Variants in PTPRD observed in about 807,000 individuals in gnomAD.
PTPRD encodes receptor-type tyrosine-protein phosphatase delta.
Under a neutral mutation model 214.5 loss-of-function variants are expected in PTPRD, and 34 were observed. The observed-to-expected ratio is 0.16, with a 90% CI of 0.12 to 0.21. The LOEUF (loss-of-function observed/expected upper bound fraction) is 0.21, where lower values mean the gene tolerates loss of function less well. Among genes scored for constraint, PTPRD ranks in the 10% least tolerant of loss-of-function variants. The pLI, the probability that PTPRD is intolerant of heterozygous loss-of-function variation, is 1.00. For missense variants in PTPRD, 2,545 were observed against 2,398.7 expected (o/e 1.06, Z -1.27); for synonymous variants, 1,128 against 845.7 (o/e 1.33, Z -5.79).
chr9:10,430,644 A>G (rs1002419408), intron 2 of PTPRD, among the ~76,000 whole-genome samples: 1 of 151,962 alleles, frequency 6.6e-6, no homozygotes, highest in African/African-American at 2.4e-5. Flanking sequence ...CTCCGTCAGA[A>G]TAATAATGCA....
rs528516784 is a variant in PTPRD, at chr9:10,253,728, T to C, written c.-545+87235A>G. ...ATAAAGAGAAGTTTACTGCATTAAA[T>C]ACATTGATGAAAAAAATGATTTTTT... On this transcript the variant is annotated intron_variant, in intron 3 of 45. Coordinates refer to ENST00000381196, the MANE Select transcript of PTPRD (RefSeq NM_002839.4). Among the ~76,000 whole-genome samples the C allele has an allele frequency of 1.4e-3, 216 of 152,288 alleles. 2 individuals carry two copies. The South Asian group carries it at 0.014, about 10-fold the overall frequency.
intron 11 of PTPRD, among the ~76,000 whole-genome samples, chr9:8,933,296 C>G (rs778398978): frequency 7.2e-6 from 1 of 139,660 alleles, no homozygotes; most frequent in Non-Finnish European, 1.5e-5. Flanking sequence ...AGTTGCAGAC[C>G]AGAGCTGTTC....
intron 5 of PTPRD, among the ~76,000 whole-genome samples, chr9:9,919,445 C>A (rs372894378): frequency 6.6e-6 from 1 of 152,124 alleles, no homozygotes; most frequent in African/African-American, 2.4e-5. Context: ...ACCTCCCTTA[C>A]CAGTGAACTC....
At chr9:9,032,173 C>G (rs2099607683) in intron 10 of PTPRD, among the ~76,000 whole-genome samples, 2 of 151,898 alleles carry the variant, frequency 1.3e-5, no homozygotes, top group Admixed American at 6.6e-5. Context: ...GAGTTCCCAG[C>G]TGCTACAGCT....
At chr9:9,410,522 C>CT (rs2075054111) in intron 8 of PTPRD, among the ~76,000 whole-genome samples, 2 of 152,078 alleles carry the variant, frequency 1.3e-5, no homozygotes, top group East Asian at 3.9e-4. Flanking sequence ...ACATGTGATC[C>CT]TTATTAAAAA....
intron 10 of PTPRD, among the ~76,000 whole-genome samples, chr9:9,079,597 AGTTTACAATT>A (rs60009620): frequency 0.059 from 8,939 of 152,042 alleles, 544 homozygotes; most frequent in African/African-American, 0.16. Flanking sequence ...TGGTTGCACT[AGTTTACAATT>A]GGACTGGGGC....
intron 3 of PTPRD, among the ~76,000 whole-genome samples, chr9:10,302,431 G>A (rs1565152382): frequency 6.6e-6 from 1 of 152,158 alleles, no homozygotes. Flanking sequence ...AACCGTAAAT[G>A]TAAATGGGCT....
At chr9:9,742,003 C>T (rs150237259) in intron 6 of PTPRD, among the ~76,000 whole-genome samples, 7 of 152,104 alleles carry the variant, frequency 4.6e-5, no homozygotes, top group East Asian at 3.9e-4. Flanking sequence ...ATGGTATTTC[C>T]GGTTCTAGAT....
chr9:9,587,555 C>G (rs1282764204), intron 7 of PTPRD, among the ~76,000 whole-genome samples: 2 of 134,786 alleles, frequency 1.5e-5, no homozygotes, highest in Admixed American at 7.2e-5. Flanking sequence ...GACCAGTTTG[C>G]TTCCTTCTAA....
intron 14 of PTPRD, among the ~76,000 whole-genome samples, chr9:8,618,412 G>A (rs1327108434): frequency 6.6e-6 from 1 of 151,972 alleles, no homozygotes; most frequent in Non-Finnish European, 1.5e-5. Context: ...AACTCATGCT[G>A]GACTGTTCAT....
At chr9:8,460,227 A>T in intron 33 of PTPRD, 184 bp downstream of exon 33, 1 of 756,928 alleles carries the variant, frequency 1.3e-6, no homozygotes. Flanking sequence ...ACTGAATAAG[A>T]TTCCAAATAG....
At chr9:9,382,201 A>G (rs2062522599) in intron 9 of PTPRD, among the ~76,000 whole-genome samples, 1 of 152,048 alleles carries the variant, frequency 6.6e-6, no homozygotes, top group Admixed American at 6.6e-5. Context: ...AGTTTATAGA[A>G]ACACAAGTAA....
intron 2 of PTPRD, among the ~76,000 whole-genome samples, chr9:10,597,209 C>T (rs577128270): frequency 1.3e-5 from 2 of 151,606 alleles, no homozygotes; most frequent in Admixed American, 6.6e-5. Context: ...GTTCCAAAAA[C>T]AATTTCTCTC....
At chr9:8,371,261 C>G (rs1209043529) in intron 39 of PTPRD, among the ~76,000 whole-genome samples, 1 of 151,734 alleles carries the variant, frequency 6.6e-6, no homozygotes, top group Non-Finnish European at 1.5e-5. Context: ...AAACACAAAC[C>G]AAAAAAATCA....
intron 30 of PTPRD, among the ~76,000 whole-genome samples, chr9:8,474,566 A>G (rs1353194120): frequency 6.6e-6 from 1 of 152,174 alleles, no homozygotes; most frequent in Non-Finnish European, 1.5e-5. Flanking sequence ...CAGCAACCCC[A>G]GTTAGGCCTT....
intron 11 of PTPRD, among the ~76,000 whole-genome samples, chr9:8,744,149 T>C (rs7036968): frequency 0.073 from 11,176 of 152,100 alleles, 1,103 homozygotes; most frequent in African/African-American, 0.23. Context: ...TTTTAAAAAA[T>C]AGATGTTGGT....
intron 9 of PTPRD, among the ~76,000 whole-genome samples, chr9:9,345,538 TA>T (rs1189337567): frequency 2.6e-5 from 4 of 152,160 alleles, no homozygotes; most frequent in Non-Finnish European, 4.4e-5. Flanking sequence ...TGATGTAGTA[TA>T]TTTTTTTAAA....
intron 14 of PTPRD, among the ~76,000 whole-genome samples, chr9:8,565,260 C>T (rs1324479554): frequency 1.3e-5 from 2 of 152,164 alleles, no homozygotes; most frequent in Non-Finnish European, 2.9e-5. Flanking sequence ...ACTCTTCGCA[C>T]AATGAAGTTT....
chr9:9,097,614 G>A (rs1377760039), intron 10 of PTPRD, among the ~76,000 whole-genome samples: 2 of 151,906 alleles, frequency 1.3e-5, no homozygotes, highest in Admixed American at 1.3e-4. Flanking sequence ...GTTTCACCGT[G>A]TCAGCCAGGA....
Sources: gnomAD v4.1 joint callset for allele counts (sites outside exome capture counted in the v4.1 genomes callset) on GRCh38, gnomAD v4.1.1 for gene constraint, MANE v1.5 for transcripts, NCBI Gene and HGNC (gene_info 2026-07-23, HGNC 2026-07-21) for gene names.